The following SRSF7 variants were observed in gnomAD, a reference collection of about 807,000 sequenced individuals.
The protein encoded by SRSF7 is serine and arginine rich splicing factor 7.
Under a neutral mutation model 42.2 loss-of-function variants are expected in SRSF7, and 15 were observed. The ratio of observed to expected loss-of-function variants is 0.36; its 90% confidence interval spans 0.24 to 0.55. SRSF7 has a LOEUF of 0.55. Ranked by LOEUF, SRSF7 falls within the 20% of genes least tolerant of loss-of-function variation. The pLI is 0.88. For missense variants in SRSF7, 181 were observed against 305.9 expected (o/e 0.59, Z 3.04); for synonymous variants, 138 against 107.9 (o/e 1.28, Z -1.73).
At chr2:38,750,550 G>A (rs918433832) in intron 1 of SRSF7, among the ~76,000 whole-genome samples, 1 of 151,628 alleles carries the variant, frequency 6.6e-6, no homozygotes, top group Non-Finnish European at 1.5e-5. Context: ...CAGCGGCGTC[G>A]GCGGCGGGAG....
At chr2:38,751,428 T>G, upstream of SRSF7, 1 of 843,944 alleles carries the variant, frequency 1.2e-6, no homozygotes, top group Middle Eastern at 2.4e-4. Flanking sequence ...CATCTCGTTG[T>G]TCTGCGCGGC....
intron 1 of SRSF7, among the ~76,000 whole-genome samples, 181 bp from the exon 2 acceptor site, chr2:38,750,375 C>T (rs554662671): frequency 1.3e-5 from 2 of 152,146 alleles, no homozygotes; most frequent in Non-Finnish European, 2.9e-5. Context: ...AGAAACTAGA[C>T]TTTTGACAAA....
At chr2:38,745,328 C>A in intron 7 of SRSF7, 141 bp from the exon 8 acceptor site, 2 of 845,586 alleles carry the variant, frequency 2.4e-6, no homozygotes, top group Non-Finnish European at 1.9e-6. Context: ...ATGAAACTTA[C>A]ATATATTCAT....
At position 38,744,662 on chromosome 2, in the gene SRSF7, T is replaced by C; in HGVS notation, c.*471A>G. On this transcript the variant is annotated 3_prime_UTR_variant, in exon 8 of 8. Coordinates refer to ENST00000313117, the MANE Select transcript of SRSF7 (RefSeq NM_001031684.3). ...AGGATCTGTCATGATGCATTCAGGC[T>C]GTATCATAAGGGACTCAGGTCATCT... 1.2e-5 allele frequency: 2 copies of C among 160,308 alleles called. No homozygotes were observed. The highest frequency in any genetic ancestry group is 4.8e-5 in the African/African-American group (2 of 41,514). 9.9% of individuals were successfully genotyped at this position (160,308 alleles called of 1,614,324 possible).
chr2:38,745,587 G>A (rs372763572), intron 7 of SRSF7, among the ~76,000 whole-genome samples: 2 of 151,938 alleles, frequency 1.3e-5, no homozygotes, highest in South Asian at 2.1e-4. Flanking sequence ...CCCGGGAATC[G>A]GAGGCTGCAG....
At chr2:38,747,870 C>A (rs1035392583) in intron 5 of SRSF7, among the ~76,000 whole-genome samples, 177 bp downstream of exon 5, 1 of 152,200 alleles carries the variant, frequency 6.6e-6, no homozygotes, top group Non-Finnish European at 1.5e-5. Flanking sequence ...TCTCTAGTAG[C>A]CCTTTTCTTC....
At chr2:38,749,757 T>G in intron 2 of SRSF7, 52 bp from the exon 3 acceptor site, 1 of 1,465,066 alleles carries the variant, frequency 6.8e-7, no homozygotes, top group Non-Finnish European at 9.0e-7. Flanking sequence ...ATTCAGGACT[T>G]ATAGATTTAA....
At chr2:38,748,798 G>C in intron 3 of SRSF7, 145 bp from the exon 4 acceptor site, 19 of 1,164,068 alleles carry the variant, frequency 1.6e-5, no homozygotes, top group Non-Finnish European at 2.2e-5. Flanking sequence ...TAGTTGTTGA[G>C]TATTTTTTTT....
At chr2:38,749,111 A>AGG in intron 3 of SRSF7, 1 of 1,316,086 alleles carries the variant, frequency 7.6e-7, no homozygotes. Context: ...TCTAAACCGG[A>AGG]GGGGGGCCCC....
At chr2:38,749,864 CTTCT>C in intron 2 of SRSF7, 146 bp downstream of exon 2, 1 of 1,220,662 alleles carries the variant, frequency 8.2e-7, no homozygotes, top group Non-Finnish European at 1.1e-6. Flanking sequence ...TCTCCGCTAT[CTTCT>C]TTAACCTTCG....
Position 38,744,348 on chromosome 2 carries a change from G to A in SRSF7, c.*785C>T. ...CAATTTCAGACAATTCCTCAAACAT[G>A]CATTTTTTGGTATAAAACTGGTTAA... On this transcript the variant is annotated 3_prime_UTR_variant, in exon 8 of 8. Coordinates refer to ENST00000313117, the MANE Select transcript of SRSF7 (RefSeq NM_001031684.3). The A allele has an allele frequency of 6.6e-6, 1 of 152,516 alleles. No individual in the cohort carries two copies. The highest frequency in any genetic ancestry group is 2.4e-5 in the African/African-American group (1 of 41,424). 9.4% of individuals were successfully genotyped at this position (152,516 alleles called of 1,614,324 possible).
chr2:38,744,829 T>C lies in SRSF7; in HGVS notation c.*304A>G. On this transcript the variant is annotated 3_prime_UTR_variant, in exon 8 of 8. Transcript: ENST00000313117. ...AGGTATGTATGAATAAGGTTAACAA[T>C]TATAATGTCTGACTCTCAAATATAT... 3.3e-6 allele frequency: 1 copy of C among 302,968 alleles called. No homozygotes were observed. The highest frequency in any genetic ancestry group is 4.6e-5 in the Admixed American group (1 of 21,628). 18.8% of individuals were successfully genotyped at this position (302,968 alleles called of 1,614,324 possible). A position where few individuals can be genotyped will look rare whatever the true frequency, so the allele number is the denominator to read the frequency against.
chr2:38,746,374 C>T (rs1039792125), intron 6 of SRSF7, among the ~76,000 whole-genome samples, 195 bp from the exon 7 acceptor site: 22 of 152,314 alleles, frequency 1.4e-4, no homozygotes, highest in African/African-American at 2.4e-4. Flanking sequence ...GACTCAATTA[C>T]TACATCATGA....
chr2:38,751,164 C>G, intron 1 of SRSF7, 65 bp downstream of exon 1: 9 of 1,604,638 alleles, frequency 5.6e-6, no homozygotes, highest in Admixed American at 1.7e-5. Context: ...TCCGCGACAA[C>G]CCTACGGCCT....
chr2:38,748,785 T>C, intron 3 of SRSF7, 132 bp from the exon 4 acceptor site: 1 of 1,207,002 alleles, frequency 8.3e-7, no homozygotes, highest in South Asian at 1.5e-5. Context: ...ACTCTGGGCC[T>C]ATTAGTTGTT....
chr2:38,747,035 G>T, intron 5 of SRSF7: 1 of 566,550 alleles, frequency 1.8e-6, no homozygotes, highest in Non-Finnish European at 3.4e-6. Context: ...CATTTGATGA[G>T]ACTGGTATGA....
chr2:38,746,260 C>A, intron 6 of SRSF7, 81 bp from the exon 7 acceptor site: 1 of 1,474,944 alleles, frequency 6.8e-7, no homozygotes, highest in East Asian at 2.3e-5. Context: ...GTAAAACCCC[C>A]AAATGTCCTA....
Position 38,747,985 on chromosome 2 carries a change from G to T in SRSF7, c.572+62C>A. On this transcript the variant is annotated intron_variant, in intron 5 of 7. Transcript: ENST00000313117. The stretch of plus-strand genomic sequence containing the variant: ...CAATCCATTTGAATTATGTCCTTAA[G>T]ACACTCTACTGATAAGATGTGAACA... 3 of 1,224,218 alleles carry T rather than the reference G, an allele frequency of 2.5e-6. No homozygotes were observed. In the East Asian group the frequency reaches 7.1e-5, roughly 29 times the overall value. The allele number at this position is 1,224,218 out of a possible 1,614,324, so 75.8% of individuals were successfully genotyped here. A position where few individuals can be genotyped will look rare whatever the true frequency, so the allele number is the denominator to read the frequency against.
At chr2:38,746,569 ACT>A in intron 6 of SRSF7, 123 bp downstream of exon 6, 1 of 1,377,306 alleles carries the variant, frequency 7.3e-7, no homozygotes. Flanking sequence ...CAAATAAGGT[ACT>A]GTGTTCCCAC....
Sources: allele counts gnomAD v4.1 joint callset (sites outside exome capture counted in the v4.1 genomes callset), GRCh38; gene constraint gnomAD v4.1.1; transcripts MANE v1.5; gene names NCBI Gene and HGNC (gene_info 2026-07-23, HGNC 2026-07-21).